DDX3X: variants seen among roughly 807,000 people sequenced by gnomAD.
DDX3X encodes ATP-dependent RNA helicase DDX3X.
DDX3X carries 4 observed loss-of-function variants against 52.7 expected under a neutral mutation model. That is an observed-to-expected ratio of 0.08 (90% confidence interval 0.04 to 0.17). The LOEUF is 0.17. DDX3X is among the 10% of genes least tolerant of loss of function. DDX3X has a pLI of 1.00. For synonymous variants in DDX3X, 192 were observed against 178.1 expected, an observed-to-expected ratio of 1.08 and a Z score of -0.62; for missense variants, 222 against 548.6, an observed-to-expected ratio of 0.40 and a Z score of 5.95.
At position 41,347,729 on chromosome X, in the gene DDX3X, G is replaced by C; in HGVS notation, c.*10G>C. The C allele has an allele frequency of 8.8e-7, 1 of 1,133,462 alleles. No individual in the cohort carries two copies. The highest frequency in any genetic ancestry group is 1.2e-6 in the Non-Finnish European group (1 of 834,628). 93.4% of individuals were successfully genotyped at this position (1,133,462 alleles called of 1,213,427 possible). ...CTGGTGGGGTAACTGAGCCTGCTTT[G>C]CAGTAGGTCACCCTGCCAAACAAGC... On this transcript the variant is annotated 3_prime_UTR_variant, in exon 17 of 17. Transcript: ENST00000644876.
intron 1 of DDX3X, chrX:41,334,617 G>A: frequency 2.1e-5 from 23 of 1,087,314 alleles, no homozygotes; most frequent in Non-Finnish European, 2.8e-5. Context: ...ACTGATTAGT[G>A]ACCTGGGGGG....
At chrX:41,352,423 A>G (rs781522520), downstream of DDX3X, among the ~76,000 whole-genome samples, 2 of 111,249 alleles carry the variant, frequency 1.8e-5, no homozygotes, top group African/African-American at 6.5e-5. Flanking sequence ...CACTCATTCT[A>G]TTCCCAACAG....
In DDX3X at chrX:41,345,380, T is replaced by C. The variant is rs770220193; in HGVS notation, c.1171-24T>C. On this transcript the variant is annotated intron_variant, in intron 11 of 16. Transcript: ENST00000644876. ...TTAGAAATTTGTTTATCTCAGGTAA[T>C]AATAAAAATTTTTTTTCTTTCAGAT... is the stretch of plus-strand genomic sequence containing the variant. 2.5e-6 allele frequency: 3 copies of C among 1,197,203 alleles called. No homozygotes were observed. The South Asian group carries it at 5.6e-5, about 22-fold the overall frequency.
rs200323805 is a variant in DDX3X, at chrX:41,358,753, A to AT, written c.655-5513dup. Among the ~76,000 whole-genome samples the AT allele has an allele frequency of 8.5e-3, 935 of 109,723 alleles. 11 individuals carry two copies. Among genetic ancestry groups the AT allele is most frequent in the African/African-American group, 0.029 (860 of 30,168 alleles). ...TTGCAGTCCTCTTTATTGTGCGGGG[A>AT]TTTTTTTTATTTTTTATTTTTTGAG... On this transcript the variant is annotated intron_variant, in intron 5 of 5. Coordinates refer to the DDX3X transcript ENST00000616050.
chrX:41,334,886 C>T, intron 1 of DDX3X: 2 of 488,688 alleles, frequency 4.1e-6, no homozygotes, highest in Non-Finnish European at 5.4e-6. Flanking sequence ...CGGCGGGTCT[C>T]GGGCGGGCGA....
At position 41,346,709 on chromosome X, in the gene DDX3X, A is replaced by C; in HGVS notation, c.1615+87A>C. On this transcript the variant is annotated intron_variant, in intron 14 of 16. Coordinates refer to ENST00000644876, the MANE Select transcript of DDX3X (RefSeq NM_001356.5). ...TTGCTAGGATCTAAAATACATTTTT[A>C]ACAATGAAAGTGACAAAGATTTTGC... The C allele has an allele frequency of 3.1e-6, 3 of 958,580 alleles. No individual in the cohort carries two copies. The South Asian group carries it at 7.0e-5, about 22-fold the overall frequency. The allele number at this position is 958,580 out of a possible 1,213,427, so 79.0% of individuals were successfully genotyped here. A position where few individuals can be genotyped will look rare whatever the true frequency, so the allele number is the denominator to read the frequency against.
downstream of DDX3X, among the ~76,000 whole-genome samples, chrX:41,354,363 A>G (rs201439728): frequency 3.5e-5 from 1 of 28,558 alleles, no homozygotes; most frequent in African/African-American, 2.9e-4. Context: ...TTTTTTTTTG[A>G]GACAGGGTTG....
intron 4 of DDX3X, chrX:41,342,205 T>G: frequency 3.9e-6 from 1 of 255,224 alleles, no homozygotes; most frequent in East Asian, 7.7e-5. Flanking sequence ...AAATGAAGGT[T>G]GTGAGCTGTG....
chrX:41,349,919 T>C lies in DDX3X; in HGVS notation c.*2200T>C, dbSNP rs1165804525. On this transcript the variant is annotated 3_prime_UTR_variant, in exon 17 of 17. Coordinates refer to ENST00000644876, the MANE Select transcript of DDX3X (RefSeq NM_001356.5). Reference sequence around the variant, plus strand: ...TTGTGTGTTTTTTTTTTTTTTTCAGTGAATGTCTGGCACATTGCAATCCTC... The same window carrying C: ...TTGTGTGTTTTTTTTTTTTTTTCAGCGAATGTCTGGCACATTGCAATCCTC... The C allele has an allele frequency of 9.4e-6, 1 of 106,813 alleles. No individual in the cohort carries two copies. Among genetic ancestry groups the C allele is most frequent in the Non-Finnish European group, 1.9e-5 (1 of 51,769 alleles). 8.8% of individuals were successfully genotyped at this position (106,813 alleles called of 1,213,427 possible).
At position 41,346,246 on chromosome X, in the gene DDX3X, T is replaced by C; in HGVS notation, c.1333T>C (p.Leu445=). The change falls in exon 13 of 17, where the codon TTA becomes CTA. Residue 445 remains leucine (L), a synonymous_variant. Coordinates refer to ENST00000644876, the MANE Select transcript of DDX3X (RefSeq NM_001356.5). ...AACGACAGGCAAGGATTCACTGACC[T>C]TAGTGTTTGTGGAGACCAAAAAGGG... is the stretch of plus-strand genomic sequence containing the variant. ...LNATGKDSLT[L]VFVETKKGAD... 8.3e-7 allele frequency: 1 copy of C among 1,207,746 alleles called. No homozygotes were observed. The highest frequency in any genetic ancestry group is 1.1e-6 in the Non-Finnish European group (1 of 894,383).
chrX:41,336,080 C>T (rs189163898), intron 1 of DDX3X: 1 of 112,053 alleles, frequency 8.9e-6, no homozygotes, highest in East Asian at 2.8e-4. Context: ...CATCTGCTTC[C>T]AGTTTTCAGT....
At chrX:41,363,858 C>T (rs2064038759) in intron 5 of DDX3X, among the ~76,000 whole-genome samples, 1 of 111,640 alleles carries the variant, frequency 9.0e-6, no homozygotes, top group Non-Finnish European at 1.9e-5. Context: ...TGGGAGGAAG[C>T]TCAGAGCCAC....
At chrX:41,339,231 T>A in intron 3 of DDX3X, 148 bp downstream of exon 3, 1 of 260,098 alleles carries the variant, frequency 3.8e-6, no homozygotes, top group Non-Finnish European at 7.2e-6. Context: ...TACTAGAGCT[T>A]AATAATTTTG....
chrX:41,361,689 C>T (rs1156863750), intron 5 of DDX3X, among the ~76,000 whole-genome samples: 1 of 110,884 alleles, frequency 9.0e-6, no homozygotes, highest in Non-Finnish European at 1.9e-5. Context: ...CCTCTTTCTC[C>T]TCACAACCCA....
chrX:41,351,402 A>G (rs2063985089), downstream of DDX3X: 2 of 112,021 alleles, frequency 1.8e-5, no homozygotes, highest in African/African-American at 3.2e-5. Context: ...CTGAATTTCA[A>G]GATTTTTAAA....
intron 5 of DDX3X, among the ~76,000 whole-genome samples, chrX:41,359,376 A>T (rs1370412551): frequency 1.9e-5 from 2 of 107,265 alleles, no homozygotes; most frequent in African/African-American, 3.4e-5. Context: ...GGAGGTGGGC[A>T]TATCACCTGA....
intron 2 of DDX3X, 36 bp from the exon 3 acceptor site, chrX:41,339,000 A>G: frequency 1.5e-6 from 1 of 656,994 alleles, no homozygotes; most frequent in Non-Finnish European, 2.0e-6. Context: ...GTTTTTTGGC[A>G]TTTAATTAAT....
chrX:41,344,457 G>A (rs1602132657), intron 10 of DDX3X, 58 bp downstream of exon 10: 2 of 1,173,133 alleles, frequency 1.7e-6, no homozygotes, highest in Non-Finnish European at 2.3e-6. Context: ...TTTTGTTTTT[G>A]GCAGAGTTGC....
At chrX:41,360,306 A>G in intron 5 of DDX3X, among the ~76,000 whole-genome samples, 1 of 105,742 alleles carries the variant, frequency 9.5e-6, no homozygotes, top group Non-Finnish European at 1.9e-5. Context: ...TGAACCCGGG[A>G]GGCAGAAGTT....
Sources: allele counts gnomAD v4.1 joint callset (sites outside exome capture counted in the v4.1 genomes callset), GRCh38; gene constraint gnomAD v4.1.1; transcripts MANE v1.5; gene names NCBI Gene and HGNC (gene_info 2026-07-23, HGNC 2026-07-21).